The following ZBTB49 variants were observed in gnomAD, a reference collection of about 807,000 sequenced individuals.
ZBTB49 encodes zinc finger and BTB domain-containing protein 49.
In ZBTB49, 43 loss-of-function variants were observed where a neutral mutation model predicts 57.5. That is an observed-to-expected ratio of 0.75 (90% CI 0.59 to 0.97). The LOEUF is 0.97. Ranked by LOEUF, ZBTB49 falls within the 50% of genes least tolerant of loss-of-function variation. The pLI is 0.00. For synonymous variants in ZBTB49, 369 were observed against 362.1 expected (o/e 1.02, Z -0.22); for missense variants, 938 against 947.7 (o/e 0.99, Z 0.13).
chr4:4,305,751 C>T lies in ZBTB49; in HGVS notation c.1256-387C>T, dbSNP rs116265267. 9.2e-3 allele frequency among the ~76,000 whole-genome samples: 1,399 copies of T among 152,236 alleles called. 15 individuals carry two copies. The highest frequency in any genetic ancestry group is 0.015 in the Non-Finnish European group (1,008 of 68,014). Reference sequence around the variant, plus strand: ...ACCTTGTGTGGTGTGAACCAGTGACCCTGTGTCTGTTAGGATTGGTGGTTG... The same window carrying T: ...ACCTTGTGTGGTGTGAACCAGTGACTCTGTGTCTGTTAGGATTGGTGGTTG... On this transcript the variant is annotated intron_variant, in intron 3 of 7. Coordinates refer to ENST00000337872, the MANE Select transcript of ZBTB49 (RefSeq NM_145291.4).
At chr4:4,298,341 G>T (rs1234045299) in intron 1 of ZBTB49, among the ~76,000 whole-genome samples, 1 of 152,140 alleles carries the variant, frequency 6.6e-6, no homozygotes, top group Non-Finnish European at 1.5e-5. Context: ...GATTAGTATT[G>T]TAGTGACTTT....
intron 2 of ZBTB49, among the ~76,000 whole-genome samples, chr4:4,301,378 C>T (rs1284717897): frequency 2.0e-5 from 3 of 152,096 alleles, no homozygotes; most frequent in African/African-American, 7.2e-5. Context: ...GAACCACTGG[C>T]TGGCTGAAAA....
chr4:4,311,305 G>A (rs1432319021), intron 4 of ZBTB49, among the ~76,000 whole-genome samples: 4 of 152,012 alleles, frequency 2.6e-5, no homozygotes, highest in South Asian at 2.1e-4. Context: ...CAAAATAACC[G>A]AAAAAAGAGG....
rs555888861 is a variant in ZBTB49, at chr4:4,320,301, A to T, written c.1622-339A>T. Among the ~76,000 whole-genome samples, 3 of 152,174 alleles carry T rather than the reference A, an allele frequency of 2.0e-5. No homozygotes were observed. The South Asian group carries it at 6.2e-4, about 32-fold the overall frequency. On this transcript the variant is annotated intron_variant, in intron 7 of 7. Coordinates refer to ENST00000337872, the MANE Select transcript of ZBTB49 (RefSeq NM_145291.4). ...TGGAGGGGTCCGCAGCTGGAGAAGC[A>T]CCTCCCACAGGAATGGAAAGCCTTC... is the stretch of plus-strand genomic sequence containing the variant.
intron 4 of ZBTB49, among the ~76,000 whole-genome samples, chr4:4,307,363 G>A (rs1390589586): frequency 6.6e-6 from 1 of 152,152 alleles, no homozygotes; most frequent in African/African-American, 2.4e-5. Flanking sequence ...AGCCTGGCCT[G>A]GGGTTCAGAG....
rs1421217239 is a variant in ZBTB49 at position 4,306,177 on chromosome 4, TC to T, written c.1296del (p.Ser433LeufsTer62). On this transcript the variant is annotated frameshift_variant, in exon 4 of 8. Coordinates refer to ENST00000337872, the MANE Select transcript of ZBTB49 (RefSeq NM_145291.4). LOFTEE classifies it high-confidence loss of function. The stretch of plus-strand genomic sequence containing the variant: ...GAATGTAACATTTGTGGGAAACATT[TC>T]TCTCAGGTGGGAATACTCTTATTTA... ...PFECNICGKH[F>X]SQAGNLQTHL... 6.2e-7 allele frequency: 1 copy of T among 1,612,714 alleles called. No individual in the cohort carries two copies. Among genetic ancestry groups the T allele is most frequent in the Non-Finnish European group, 8.5e-7 (1 of 1,179,418 alleles).
At chr4:4,317,234 C>G (rs987335717) in intron 7 of ZBTB49, among the ~76,000 whole-genome samples, 5 of 152,140 alleles carry the variant, frequency 3.3e-5, no homozygotes, top group Admixed American at 3.3e-4. Context: ...CCTCACTAAC[C>G]CTGGTTTCAC....
chr4:4,300,993 T>C (rs1312666408), intron 2 of ZBTB49, among the ~76,000 whole-genome samples: 1 of 152,204 alleles, frequency 6.6e-6, no homozygotes, highest in Non-Finnish European at 1.5e-5. Context: ...GTCTCAGTTA[T>C]TGTATAGACC....
intron 5 of ZBTB49, among the ~76,000 whole-genome samples, chr4:4,313,982 A>C (rs1721083922): frequency 6.6e-6 from 1 of 152,240 alleles, no homozygotes; most frequent in Non-Finnish European, 1.5e-5. Flanking sequence ...TCACAGATTC[A>C]TACCGAAGTG....
intron 3 of ZBTB49, 44 bp from the exon 4 acceptor site, chr4:4,306,094 A>G (rs1462602134): frequency 1.1e-5 from 18 of 1,567,756 alleles, no homozygotes; most frequent in Middle Eastern, 3.5e-4. Flanking sequence ...TATTGAACAA[A>G]TACTAGTAAT....
At chr4:4,307,963 A>G (rs975347941) in intron 4 of ZBTB49, among the ~76,000 whole-genome samples, 2 of 152,170 alleles carry the variant, frequency 1.3e-5, no homozygotes, top group Admixed American at 6.5e-5. Flanking sequence ...AAAACCCGAC[A>G]TTCAGTCAGG....
chr4:4,318,189 A>G (rs1721266937), intron 7 of ZBTB49, among the ~76,000 whole-genome samples: 2 of 152,144 alleles, frequency 1.3e-5, no homozygotes, highest in Non-Finnish European at 2.9e-5. Context: ...ACAGGCACCC[A>G]TATTCCTCTT....
intron 4 of ZBTB49, among the ~76,000 whole-genome samples, chr4:4,306,961 T>TG (rs1376371033): frequency 1.3e-5 from 2 of 152,204 alleles, no homozygotes; most frequent in African/African-American, 2.4e-5. Context: ...CCTCTGGAGC[T>TG]GGGAGGCAGG....
chr4:4,314,813 A>G (rs2980180), intron 5 of ZBTB49, among the ~76,000 whole-genome samples: 26,855 of 152,206 alleles, frequency 0.18, 2,419 homozygotes, highest in East Asian at 0.25. Flanking sequence ...AAGGCAAGTT[A>G]GTAACCGCCT....
chr4:4,305,465 G>C (rs1720694609), intron 3 of ZBTB49, among the ~76,000 whole-genome samples: 1 of 152,202 alleles, frequency 6.6e-6, no homozygotes, highest in Admixed American at 6.5e-5. Flanking sequence ...TTCAGATCAT[G>C]TTCTGTAGGC....
chr4:4,303,092 G>A lies in ZBTB49; in HGVS notation c.1255+1G>A, dbSNP rs762707605. 6.3e-7 allele frequency: 1 copy of A among 1,591,020 alleles called. No individual in the cohort carries two copies. Among genetic ancestry groups the A allele is most frequent in the South Asian group, 1.1e-5 (1 of 88,112 alleles). ...GAGCTTCACAAACGGTCTCATACAG[G>A]TAACTGATTCAGTACCCACAGGCAG... On this transcript the variant is annotated splice_donor_variant, in intron 3 of 7. Coordinates refer to ENST00000337872, the MANE Select transcript of ZBTB49 (RefSeq NM_145291.4). LOFTEE classifies it high-confidence loss of function.
Position 4,306,303 on chromosome 4 carries a change from A to G in ZBTB49, c.1302+119A>G, listed in dbSNP as rs1418877926. On this transcript the variant is annotated intron_variant, in intron 4 of 7. Coordinates refer to ENST00000337872, the MANE Select transcript of ZBTB49 (RefSeq NM_145291.4). ...AGCCTCTAATGATGTCTGTAACTTA[A>G]AGACTTCAGAATAAATTAGGATAAA... 7.5e-6 allele frequency: 6 copies of G among 801,266 alleles called. No individual in the cohort carries two copies. In the African/African-American group the frequency reaches 8.7e-5, roughly 12 times the overall value. The allele number at this position is 801,266 out of a possible 1,614,324, so 49.6% of individuals were successfully genotyped here.
intron 1 of ZBTB49, among the ~76,000 whole-genome samples, chr4:4,295,641 C>G (rs923381847): frequency 6.6e-6 from 1 of 152,192 alleles, no homozygotes; most frequent in Non-Finnish European, 1.5e-5. Context: ...GCACTGGGAA[C>G]AGTGTTCGCC....
intron 5 of ZBTB49, among the ~76,000 whole-genome samples, chr4:4,313,429 A>T (rs776089007): frequency 2.8e-4 from 42 of 152,248 alleles, no homozygotes; most frequent in Non-Finnish European, 5.3e-4. Flanking sequence ...AATATAATAG[A>T]TTAATGCCCC....
Sources: allele counts gnomAD v4.1 joint callset (sites outside exome capture counted in the v4.1 genomes callset), GRCh38; gene constraint gnomAD v4.1.1; transcripts MANE v1.5; gene names NCBI Gene and HGNC (gene_info 2026-07-23, HGNC 2026-07-21).